The following MACROD2 variants were observed in gnomAD, a reference collection of about 807,000 sequenced individuals.
MACROD2 encodes the protein mono-ADP ribosylhydrolase 2, also known as ADP-ribose glycohydrolase MACROD2.
A neutral mutation model predicts 70.4 loss-of-function variants in MACROD2; 36 were observed. That is an observed-to-expected ratio of 0.51 (90% confidence interval 0.39 to 0.68). The LOEUF (loss-of-function observed/expected upper bound fraction) is 0.68. Among genes scored for constraint, MACROD2 ranks in the 30% least tolerant of loss-of-function variants. The pLI is 0.00. For missense variants in MACROD2, 496 were observed against 538.4 expected, an observed-to-expected ratio of 0.92 and a Z score of 0.78; for synonymous variants, 172 against 178.8, an observed-to-expected ratio of 0.96 and a Z score of 0.30.
At chr20:14,364,588 T>G (rs748808721) in intron 3 of MACROD2, among the ~76,000 whole-genome samples, 4 of 152,156 alleles carry the variant, frequency 2.6e-5, no homozygotes, top group Non-Finnish European at 5.9e-5. Flanking sequence ...CATTAAGCAG[T>G]TACTCCCTAT....
intron 7 of MACROD2, among the ~76,000 whole-genome samples, chr20:15,435,862 G>A (rs55910211): frequency 6.6e-6 from 1 of 152,140 alleles, no homozygotes; most frequent in African/African-American, 2.4e-5. Context: ...GGCATTAATA[G>A]TGTGAGTCAC....
chr20:15,944,873 T>C (rs1248602922), intron 12 of MACROD2, among the ~76,000 whole-genome samples: 2 of 152,212 alleles, frequency 1.3e-5, no homozygotes, highest in African/African-American at 4.8e-5. Context: ...TCTGAATATA[T>C]GAACATACAC....
Position 15,730,853 on chromosome 20 carries a change from T to G in MACROD2, c.646-131892T>G, listed in dbSNP as rs2050937345. Among the ~76,000 whole-genome samples the G allele has an allele frequency of 3.3e-5, 5 of 149,666 alleles. No individual in the cohort carries two copies. The South Asian group carries it at 1.1e-3, about 32-fold the overall frequency. On this transcript the variant is annotated intron_variant, in intron 8 of 17. Coordinates refer to ENST00000684519, the MANE Select transcript of MACROD2 (RefSeq NM_001351661.2). Reference sequence around the variant, plus strand: ...TCATACATTGGGTCACTTTACATAATCCCATATTTCTTGGAAGTTTTGTTT... The same window carrying G: ...TCATACATTGGGTCACTTTACATAAGCCCATATTTCTTGGAAGTTTTGTTT...
chr20:15,820,974 C>T (rs2063932229), intron 8 of MACROD2, among the ~76,000 whole-genome samples: 1 of 152,140 alleles, frequency 6.6e-6, no homozygotes, highest in Non-Finnish European at 1.5e-5. Flanking sequence ...CACAATGGAG[C>T]ACCTTTCTGA....
At chr20:14,938,340 T>A (rs1203893015) in intron 5 of MACROD2, among the ~76,000 whole-genome samples, 1 of 152,176 alleles carries the variant, frequency 6.6e-6, no homozygotes, top group Non-Finnish European at 1.5e-5. Flanking sequence ...TTTCTTTAGA[T>A]CCTTGTCAGC....
intron 5 of MACROD2, among the ~76,000 whole-genome samples, chr20:15,181,472 A>G (rs948137000): frequency 6.6e-5 from 10 of 152,332 alleles, no homozygotes; most frequent in African/African-American, 2.2e-4. Flanking sequence ...CTCAACTGCC[A>G]AAGGCCAACA....
intron 8 of MACROD2, 148 bp downstream of exon 8, chr20:15,499,995 G>T: frequency 8.9e-6 from 6 of 676,230 alleles, no homozygotes; most frequent in Non-Finnish European, 1.5e-5. Context: ...TGGGTTACAT[G>T]AGTAATTAAA....
chr20:14,181,148 A>C (rs1454336084), intron 3 of MACROD2, among the ~76,000 whole-genome samples: 1 of 150,396 alleles, frequency 6.6e-6, no homozygotes. Flanking sequence ...GGCTCAGTGC[A>C]GCCCTGACTT....
rs114812708 is a variant in MACROD2 at position 14,093,426 on chromosome 20, G to A, written c.271+7698G>A. Among the ~76,000 whole-genome samples, 828 of 151,952 alleles carry A rather than the reference G, an allele frequency of 5.4e-3. 8 individuals are homozygous for A. The highest frequency in any genetic ancestry group is 0.037 in the Middle Eastern group (11 of 294). ...GGTTTTAAATAAAGTACAACTGTCT[G>A]TACAAAAAAGAGGTGTTTTCAGAAC... On this transcript the variant is annotated intron_variant, in intron 3 of 17. Transcript: ENST00000684519.
rs1044545691 is a variant in MACROD2, at chr20:15,070,735, A to G, written c.419-159205A>G. Among the ~76,000 whole-genome samples, 6 of 152,160 alleles carry G rather than the reference A, an allele frequency of 3.9e-5. No homozygotes were observed. The South Asian group carries it at 1.2e-3, about 31-fold the overall frequency. On this transcript the variant is annotated intron_variant, in intron 5 of 17. Transcript: ENST00000684519. ...CACCAGAAGCTGAATGGATCGTGGT[A>G]CCATGCTTGCACAGCTGCAGAACCA...
At chr20:15,234,471 A>C (rs961007384) in intron 6 of MACROD2, among the ~76,000 whole-genome samples, 1 of 152,126 alleles carries the variant, frequency 6.6e-6, no homozygotes, top group African/African-American at 2.4e-5. Flanking sequence ...AAGACCAGGG[A>C]GCCTACAGAT....
chr20:15,507,782 G>T (rs2047447130), intron 8 of MACROD2, among the ~76,000 whole-genome samples: 1 of 152,120 alleles, frequency 6.6e-6, no homozygotes. Context: ...CTCACAATTG[G>T]CATAATGAGG....
Position 14,624,877 on chromosome 20 carries a change from C to T in MACROD2, c.302-59966C>T, listed in dbSNP as rs934871787. Among the ~76,000 whole-genome samples, 7 of 152,312 alleles carry T rather than the reference C, an allele frequency of 4.6e-5. No homozygotes were observed. In the South Asian group the frequency reaches 8.3e-4, roughly 18 times the overall value. ...AAATGTACTGCTGCAGCACTACTAC[C>T]TCATTCAAAGGTGCCTCTGAATTAT... On this transcript the variant is annotated intron_variant, in intron 4 of 17. Coordinates refer to ENST00000684519, the MANE Select transcript of MACROD2 (RefSeq NM_001351661.2).
chr20:14,533,067 T>G (rs2085325353), intron 4 of MACROD2, among the ~76,000 whole-genome samples: 1 of 152,156 alleles, frequency 6.6e-6, no homozygotes, highest in Admixed American at 6.5e-5. Context: ...CCAAACTGAA[T>G]GACCAGTTTT....
At position 15,911,047 on chromosome 20, in the gene MACROD2, A is replaced by G. The variant is rs543754384; in HGVS notation, c.776-22229A>G. 5.3e-5 allele frequency among the ~76,000 whole-genome samples: 8 copies of G among 152,262 alleles called. No individual in the cohort carries two copies. The South Asian group carries it at 1.5e-3, about 28-fold the overall frequency. The stretch of plus-strand genomic sequence containing the variant: ...GTATAAGTGGCATACTTCTTTCTCA[A>G]TAGCTCCCATGAAAGATCTGAAATT... On this transcript the variant is annotated intron_variant, in intron 10 of 17. Transcript: ENST00000684519.
intron 8 of MACROD2, among the ~76,000 whole-genome samples, chr20:15,829,591 C>T (rs537691289): frequency 2.6e-5 from 4 of 152,194 alleles, no homozygotes; most frequent in Admixed American, 2.0e-4. Context: ...TTCAAAGGCC[C>T]AAATTATGGG....
chr20:14,500,053 G>A (rs1600307039), intron 4 of MACROD2, among the ~76,000 whole-genome samples: 1 of 152,188 alleles, frequency 6.6e-6, no homozygotes, highest in East Asian at 1.9e-4. Flanking sequence ...TGACATGGGA[G>A]CAGTCTTGAA....
At chr20:14,873,249 A>G (rs1334850914) in intron 5 of MACROD2, among the ~76,000 whole-genome samples, 1 of 152,126 alleles carries the variant, frequency 6.6e-6, no homozygotes, top group African/African-American at 2.4e-5. Flanking sequence ...CTGGTATTAT[A>G]CTTACATTTA....
In MACROD2 at chr20:14,085,603, A is replaced by G. The variant is rs1028829079; in HGVS notation, c.164-18A>G. The G allele has an allele frequency of 3.7e-6, 5 of 1,349,430 alleles. No individual in the cohort carries two copies. In the East Asian group the frequency reaches 7.2e-5, roughly 20 times the overall value. 83.6% of individuals were successfully genotyped at this position (1,349,430 alleles called of 1,614,324 possible). A position where few individuals can be genotyped will look rare whatever the true frequency, so the allele number is the denominator to read the frequency against. ...ATTAATAATATTATTATTGATATAT[A>G]TCCATTTTCTATTACAGAAGAAAAT... On this transcript the variant is annotated intron_variant, in intron 2 of 17. Coordinates refer to ENST00000684519, the MANE Select transcript of MACROD2 (RefSeq NM_001351661.2).
Sources: allele counts gnomAD v4.1 joint callset (sites outside exome capture counted in the v4.1 genomes callset), GRCh38; gene constraint gnomAD v4.1.1; transcripts MANE v1.5; gene names NCBI Gene and HGNC (gene_info 2026-07-23, HGNC 2026-07-21).